EXT2: variants seen among roughly 807,000 people sequenced by gnomAD.
EXT2 encodes the protein exostosin-2.
EXT2 carries 53 observed loss-of-function variants against 81.6 expected under a neutral mutation model. The ratio of observed to expected loss-of-function variants is 0.65; its 90% CI spans 0.52 to 0.82. EXT2 has a LOEUF of 0.82. Among genes scored for constraint, EXT2 ranks in the 40% least tolerant of loss-of-function variants. The probability of loss-of-function intolerance (pLI) is 0.00; values close to 1 mark genes in which losing one functional copy is unlikely to be tolerated. For synonymous variants in EXT2, 320 were observed against 340.0 expected (o/e 0.94, Z 0.65); for missense variants, 774 against 910.2 (o/e 0.85, Z 1.93).
At chr11:44,184,962 A>G (rs138140327) in intron 8 of EXT2, among the ~76,000 whole-genome samples, 2 of 152,336 alleles carry the variant, frequency 1.3e-5, no homozygotes, top group African/African-American at 4.8e-5. Context: ...TTGCAAAACA[A>G]TAAGCAAACA....
intron 13 of EXT2, among the ~76,000 whole-genome samples, chr11:44,238,023 A>G (rs1451072754): frequency 7.9e-5 from 12 of 150,962 alleles, no homozygotes; most frequent in Non-Finnish European, 5.9e-5. Flanking sequence ...TGGGAGGTGG[A>G]GTTTGCAGTG....
chr11:44,234,031 A>G, intron 11 of EXT2, 84 bp from the exon 12 acceptor site: 1 of 1,592,980 alleles, frequency 6.3e-7, no homozygotes, highest in Non-Finnish European at 8.6e-7. Context: ...GCTTGTCCCC[A>G]TGCCTTGGCT....
intron 7 of EXT2, among the ~76,000 whole-genome samples, chr11:44,158,319 T>C (rs1954882995): frequency 6.6e-6 from 1 of 152,298 alleles, no homozygotes; most frequent in Non-Finnish European, 1.5e-5. Flanking sequence ...CTTTCAAGTT[T>C]ATTTAGGACC....
Position 44,130,087 on chromosome 11 carries a change from C to T in EXT2, c.1122C>T (p.Tyr374=). The change falls in exon 7 of 14, where the codon TAC becomes TAT. Residue 374 remains tyrosine (Y), a synonymous_variant. Coordinates refer to ENST00000533608, the MANE Select transcript of EXT2 (RefSeq NM_207122.2). The stretch of plus-strand genomic sequence containing the variant: ...CAGAAGAAAAGATGTCAGATGTGTA[C>T]AGTATTTTGCAGAGCATCCCCCAAA... ...VVPEEKMSDV[Y]SILQSIPQRQ... 1 of 1,614,062 alleles carries T rather than the reference C, an allele frequency of 6.2e-7. No individual in the cohort carries two copies. Among genetic ancestry groups the T allele is most frequent in the Non-Finnish European group, 8.5e-7 (1 of 1,180,004 alleles).
At chr11:44,236,853 A>G (rs1955971546) in intron 13 of EXT2, among the ~76,000 whole-genome samples, 1 of 152,164 alleles carries the variant, frequency 6.6e-6, no homozygotes, top group Admixed American at 6.5e-5. Flanking sequence ...TTACAGACAG[A>G]GGGGCAAGAC....
chr11:44,100,436 G>A (rs749504349), intron 1 of EXT2, among the ~76,000 whole-genome samples: 3 of 152,220 alleles, frequency 2.0e-5, no homozygotes, highest in Non-Finnish European at 2.9e-5. Context: ...CTGTCACCAC[G>A]AGTGGTTTAG....
chr11:44,170,906 C>T (rs1955063833), intron 7 of EXT2, among the ~76,000 whole-genome samples: 1 of 151,804 alleles, frequency 6.6e-6, no homozygotes, highest in African/African-American at 2.4e-5. Flanking sequence ...TGAGGAATTC[C>T]TCTAAAACCT....
At chr11:44,225,948 G>A (rs935591189) in intron 10 of EXT2, among the ~76,000 whole-genome samples, 3 of 152,198 alleles carry the variant, frequency 2.0e-5, no homozygotes, top group African/African-American at 7.2e-5. Flanking sequence ...GAAGGCTCAT[G>A]GTTATGCTGT....
chr11:44,126,831 G>A lies in EXT2; in HGVS notation c.955G>A (p.Val319Met), dbSNP rs756173823. The A allele has an allele frequency of 3.7e-6, 6 of 1,614,080 alleles. No homozygotes were observed. The highest frequency in any genetic ancestry group is 5.1e-6 in the Non-Finnish European group (6 of 1,180,056). The change falls in exon 6 of 14, where the codon GTG becomes ATG. Residue 319 changes from valine (V) to methionine (M), a missense_variant. Val to Met is a conservative substitution (Grantham distance 21). Coordinates refer to ENST00000533608, the MANE Select transcript of EXT2 (RefSeq NM_207122.2). Reference protein sequence around the residue: ...PQVLQEATFCVVLRGARLGQA... With the variant: ...PQVLQEATFCMVLRGARLGQA... ...GTTCCTGCAGGAGGCTACTTTCTGT[G>A]TGGTTCTTCGTGGAGCTCGGCTGGG... is the stretch of plus-strand genomic sequence containing the variant.
intron 12 of EXT2, among the ~76,000 whole-genome samples, chr11:44,235,306 C>T (rs1205215168): frequency 7.6e-6 from 1 of 131,984 alleles, no homozygotes; most frequent in Non-Finnish European, 1.5e-5. Flanking sequence ...ACAGTCTCGG[C>T]TCACTGCAGC....
At position 44,124,863 on chromosome 11, in the gene EXT2, A is replaced by G. The variant is rs754498649; in HGVS notation, c.818A>G (p.Gln273Arg). 4 of 1,614,116 alleles carry G rather than the reference A, an allele frequency of 2.5e-6. No homozygotes were observed. The South Asian group carries it at 4.4e-5, about 18-fold the overall frequency. The stretch of plus-strand genomic sequence containing the variant: ...TACAGAGAGGACCTAGAAGCCCTCC[A>G]GGTCAAACATGGAGAGTCAGTGTTA... ...PEYREDLEAL[Q>R]VKHGESVLVL... Residue 273 changes from glutamine (Q) to arginine (R), a missense_variant, in exon 5 of 14, where the codon CAG becomes CGG. Gln to Arg is a conservative substitution (Grantham distance 43, BLOSUM62 1). This residue lies in a region of EXT2 where 626 missense variants were observed against 670.5 expected (regional missense o/e 0.93). Coordinates refer to ENST00000533608, the MANE Select transcript of EXT2 (RefSeq NM_207122.2).
intron 4 of EXT2, among the ~76,000 whole-genome samples, chr11:44,123,714 G>A (rs901471767): frequency 6.6e-6 from 1 of 152,142 alleles, no homozygotes; most frequent in Non-Finnish European, 1.5e-5. Context: ...GGAGCATTTT[G>A]GACTTCAGAT....
chr11:44,187,039 T>TTCCC (rs1555015180), intron 8 of EXT2, among the ~76,000 whole-genome samples: 5 of 107,770 alleles, frequency 4.6e-5, no homozygotes, highest in Non-Finnish European at 1.1e-4. Flanking sequence ...CCTTCCTTCC[T>TTCCC]TCCTTCCCTC....
At chr11:44,226,144 G>A (rs1273836589) in intron 10 of EXT2, among the ~76,000 whole-genome samples, 1 of 152,152 alleles carries the variant, frequency 6.6e-6, no homozygotes, top group Admixed American at 6.5e-5. Flanking sequence ...AACTTGCAAA[G>A]AATGGAGATC....
chr11:44,198,916 A>C (rs1379181127), intron 9 of EXT2, among the ~76,000 whole-genome samples: 2 of 152,232 alleles, frequency 1.3e-5, no homozygotes, highest in African/African-American at 4.8e-5. Context: ...GGCTGGAAGA[A>C]GTCCATATTT....
chr11:44,190,977 G>A (rs1268078308), intron 8 of EXT2, among the ~76,000 whole-genome samples: 1 of 152,186 alleles, frequency 6.6e-6, no homozygotes, highest in African/African-American at 2.4e-5. Flanking sequence ...CTTTCCTGAA[G>A]GGGAAACCCC....
At position 44,109,623 on chromosome 11, in the gene EXT2, G is replaced by A. The variant is rs116779410; in HGVS notation, c.626+340G>A. 6.9e-3 allele frequency among the ~76,000 whole-genome samples: 1,046 copies of A among 152,272 alleles called. 9 individuals are homozygous for A. Among genetic ancestry groups the A allele is most frequent in the African/African-American group, 0.023 (964 of 41,552 alleles). ...CACAAGTAGATGCACAGCTTACTGA[G>A]AGAAGGTAGCGTGGATATGTAAAAG... On this transcript the variant is annotated intron_variant, in intron 3 of 13. Transcript: ENST00000533608.
intron 1 of EXT2, among the ~76,000 whole-genome samples, chr11:44,105,734 GC>G (rs1954044929): frequency 6.6e-6 from 1 of 152,204 alleles, no homozygotes; most frequent in Non-Finnish European, 1.5e-5. Flanking sequence ...TATAGGAGAG[GC>G]TTGTTTGGTA....
At chr11:44,236,169 G>T in intron 12 of EXT2, 124 bp from the exon 13 acceptor site, 1 of 806,654 alleles carries the variant, frequency 1.2e-6, no homozygotes, top group Non-Finnish European at 2.1e-6. Context: ...GTGTGTGTGT[G>T]TGTGTGTGCA....
Sources: gnomAD v4.1 joint callset for allele counts (sites outside exome capture counted in the v4.1 genomes callset) on GRCh38, gnomAD v4.1.1 for gene constraint, gnomAD v4.1.1 regional missense constraint, MANE v1.5 for transcripts, NCBI Gene and HGNC (gene_info 2026-07-23, HGNC 2026-07-21) for gene names.